Variants in KDM4C observed in about 807,000 individuals in gnomAD.
KDM4C encodes lysine demethylase 4C, also known as lysine-specific demethylase 4C.
KDM4C carries 81 observed loss-of-function variants against 129.3 expected under a neutral mutation model. That is an observed-to-expected ratio of 0.63 (90% CI 0.52 to 0.75). KDM4C has a LOEUF of 0.75. Ranked by LOEUF, KDM4C falls within the 30% of genes least tolerant of loss-of-function variation. The pLI is 0.00. For synonymous variants in KDM4C, 573 were observed against 456.1 expected, an observed-to-expected ratio of 1.26 and a Z score of -3.26; for missense variants, 1,457 against 1,304.0, an observed-to-expected ratio of 1.12 and a Z score of -1.81.
At position 7,103,804 on chromosome 9, in the gene KDM4C, G is replaced by A. The variant is rs893427679; in HGVS notation, c.2544G>A (p.Met848Ile). The A allele has an allele frequency of 3.7e-6, 6 of 1,613,898 alleles. No homozygotes were observed. In the African/African-American group the frequency reaches 6.7e-5, roughly 18 times the overall value. ...VTCAHAAGVL[M>I]EPDDWPYVVN... is the part of the protein sequence containing the mutation. The stretch of plus-strand genomic sequence containing the variant: ...GTGCCCATGCTGCTGGGGTACTGAT[G>A]GAGCCTGATGACTGGCCTTATGTGG... The change falls in exon 18 of 22, where the codon ATG becomes ATA. Residue 848 changes from methionine to isoleucine, a missense_variant. By Grantham distance (10) the Met-to-Ile change is conservative. Transcript: ENST00000381309.
intron 15 of KDM4C, among the ~76,000 whole-genome samples, chr9:7,033,388 G>A (rs1827111515): frequency 6.6e-6 from 1 of 152,134 alleles, no homozygotes; most frequent in Non-Finnish European, 1.5e-5. Context: ...TCTCATTTGA[G>A]GTAATAGATT....
chr9:6,734,169 A>G (rs1050796967), intron 1 of KDM4C, among the ~76,000 whole-genome samples: 169 of 152,084 alleles, frequency 1.1e-3, no homozygotes, highest in African/African-American at 4.1e-3. Context: ...TTAACAAGGC[A>G]CCTTAATTTA....
chr9:6,935,842 A>G (rs767904461), intron 8 of KDM4C, among the ~76,000 whole-genome samples: 3 of 152,180 alleles, frequency 2.0e-5, no homozygotes, highest in Admixed American at 2.0e-4. Flanking sequence ...ATAGAAAATA[A>G]AAGTCCTGAT....
At chr9:7,089,868 A>G (rs1314614929) in intron 17 of KDM4C, among the ~76,000 whole-genome samples, 1 of 152,214 alleles carries the variant, frequency 6.6e-6, no homozygotes, top group South Asian at 2.1e-4. Flanking sequence ...TGCTAGAGTC[A>G]TGAGAGGTCA....
chr9:6,951,026 AATTTT>A (rs975411100), intron 8 of KDM4C, among the ~76,000 whole-genome samples: 1 of 152,006 alleles, frequency 6.6e-6, no homozygotes, highest in Non-Finnish European at 1.5e-5. Context: ...AACATTTTTA[AATTTT>A]ATTTTATTAA....
intron 15 of KDM4C, among the ~76,000 whole-genome samples, chr9:7,030,874 G>C (rs929814563): frequency 6.6e-6 from 1 of 151,996 alleles, no homozygotes; most frequent in Non-Finnish European, 1.5e-5. Context: ...AAAAATGTAA[G>C]AGCACTTTAT....
rs766903449 is a variant in KDM4C at position 6,919,337 on chromosome 9, G to A, written c.921+26105G>A. Among the ~76,000 whole-genome samples the A allele has an allele frequency of 2.7e-5, 4 of 146,042 alleles. No homozygotes were observed. In the South Asian group the frequency reaches 6.6e-4, roughly 24 times the overall value. On this transcript the variant is annotated intron_variant, in intron 8 of 21. Coordinates refer to ENST00000381309, the MANE Select transcript of KDM4C (RefSeq NM_015061.6). ...TTTGGATATTAGACCTTTGTCAGATGTATAGTGTGCAAATATTATCTCCCA... is the reference window on the plus strand; with the variant it reads ...TTTGGATATTAGACCTTTGTCAGATATATAGTGTGCAAATATTATCTCCCA...
chr9:6,728,840 C>A (rs907805590), intron 1 of KDM4C, among the ~76,000 whole-genome samples: 1 of 151,260 alleles, frequency 6.6e-6, no homozygotes, highest in African/African-American at 2.4e-5. Flanking sequence ...AGCGAGACTC[C>A]ATCTCAAAAA....
At chr9:6,732,567 G>C (rs917811770) in intron 1 of KDM4C, among the ~76,000 whole-genome samples, 2 of 151,878 alleles carry the variant, frequency 1.3e-5, no homozygotes, top group South Asian at 2.1e-4. Context: ...AATTTAAGAA[G>C]GTTAAGGAGG....
chr9:6,938,015 A>G (rs976769020), intron 8 of KDM4C, among the ~76,000 whole-genome samples: 3 of 152,208 alleles, frequency 2.0e-5, no homozygotes, highest in Admixed American at 1.3e-4. Context: ...GCCGGCCAGA[A>G]TAAATGTTTA....
intron 17 of KDM4C, among the ~76,000 whole-genome samples, chr9:7,060,036 C>G (rs1049307947): frequency 2.0e-5 from 3 of 152,128 alleles, no homozygotes; most frequent in Admixed American, 6.5e-5. Context: ...AGGATCCCCT[C>G]ATAATATAGT....
intron 5 of KDM4C, among the ~76,000 whole-genome samples, chr9:6,857,173 A>G (rs1434627402): frequency 2.0e-5 from 3 of 152,148 alleles, no homozygotes; most frequent in African/African-American, 2.4e-5. Flanking sequence ...TATGTTTCAA[A>G]GATAGTATTG....
At chr9:6,925,356 G>A (rs1822283190) in intron 8 of KDM4C, 2 of 985,334 alleles carry the variant, frequency 2.0e-6, no homozygotes, top group Non-Finnish European at 2.4e-6. Flanking sequence ...TTCTTTTGGC[G>A]AAGAGAAGCT....
intron 18 of KDM4C, among the ~76,000 whole-genome samples, chr9:7,116,980 T>A (rs1486376512): frequency 6.6e-6 from 1 of 152,200 alleles, no homozygotes; most frequent in Non-Finnish European, 1.5e-5. Context: ...GTATAGTGTC[T>A]TTTATAGTTA....
intron 21 of KDM4C, among the ~76,000 whole-genome samples, chr9:7,173,115 C>T (rs1238242335): frequency 6.6e-6 from 1 of 152,254 alleles, no homozygotes; most frequent in Non-Finnish European, 1.5e-5. Context: ...ATATCCTCAC[C>T]TTTATGGGGT....
chr9:6,823,664 C>G (rs1002394519), intron 4 of KDM4C, among the ~76,000 whole-genome samples: 1 of 152,208 alleles, frequency 6.6e-6, no homozygotes, highest in East Asian at 1.9e-4. Flanking sequence ...CCTGTACCAG[C>G]CAGATAATCA....
At chr9:6,900,930 G>T (rs1817295604) in intron 8 of KDM4C, among the ~76,000 whole-genome samples, 1 of 151,756 alleles carries the variant, frequency 6.6e-6, no homozygotes, top group Non-Finnish European at 1.5e-5. Context: ...ATGATTATCA[G>T]GGGCCAAATT....
chr9:6,947,648 C>G (rs1827221828), intron 8 of KDM4C, among the ~76,000 whole-genome samples: 1 of 152,118 alleles, frequency 6.6e-6, no homozygotes, highest in African/African-American at 2.4e-5. Context: ...CCTCTAGGTC[C>G]TTGAATTTCA....
chr9:7,104,227 A>G lies in KDM4C; in HGVS notation c.2610+357A>G, dbSNP rs76809823. ...ACATATCCAGGATGAGAGTGAGACC[A>G]TTTCTGCGAGGGGATCACCACCTGA... On this transcript the variant is annotated intron_variant, in intron 18 of 21. Coordinates refer to ENST00000381309, the MANE Select transcript of KDM4C (RefSeq NM_015061.6). 817 of 201,832 alleles carry G rather than the reference A, an allele frequency of 4.0e-3. 9 individuals are homozygous for G. The highest frequency in any genetic ancestry group is 0.017 in the African/African-American group (759 of 44,890). 12.5% of individuals were successfully genotyped at this position (201,832 alleles called of 1,614,324 possible).
Sources: allele counts gnomAD v4.1 joint callset (sites outside exome capture counted in the v4.1 genomes callset), GRCh38; gene constraint gnomAD v4.1.1; transcripts MANE v1.5; gene names NCBI Gene and HGNC (gene_info 2026-07-23, HGNC 2026-07-21).